DUS4L: variants seen among roughly 807,000 people sequenced by gnomAD.
DUS4L encodes tRNA-dihydrouridine(20a/20b) synthase [NAD(P)+]-like.
Under a neutral mutation model 33.8 loss-of-function variants are expected in DUS4L, and 31 were observed. The ratio of observed to expected loss-of-function variants is 0.92; its 90% CI spans 0.69 to 1.24. The LOEUF (loss-of-function observed/expected upper bound fraction) is 1.24. Ranked by LOEUF, DUS4L falls within the 50% of genes most tolerant of loss-of-function variation. The pLI is 0.00. For synonymous variants in DUS4L, 103 were observed against 120.3 expected (o/e 0.86, Z 0.94); for missense variants, 368 against 388.6 (o/e 0.95, Z 0.45).
chr7:107,573,890 T>C, intron 5 of DUS4L, 69 bp downstream of exon 5: 1 of 1,411,088 alleles, frequency 7.1e-7, no homozygotes. Flanking sequence ...CATGGTAAAA[T>C]ATCTTTCTAG....
intron 4 of DUS4L, among the ~76,000 whole-genome samples, chr7:107,571,675 A>G (rs1194484600): frequency 1.3e-5 from 2 of 152,246 alleles, no homozygotes; most frequent in African/African-American, 2.4e-5. Flanking sequence ...TTACAGGTGT[A>G]CTAAATCAGA....
At position 107,564,050 on chromosome 7, in the gene DUS4L, A is replaced by G; in HGVS notation, c.-270A>G. The G allele has an allele frequency of 2.0e-6, 3 of 1,495,076 alleles. No individual in the cohort carries two copies. Among genetic ancestry groups the G allele is most frequent in the Non-Finnish European group, 2.7e-6 (3 of 1,116,404 alleles). 92.6% of individuals were successfully genotyped at this position (1,495,076 alleles called of 1,614,324 possible). A position where few individuals can be genotyped will look rare whatever the true frequency, so the allele number is the denominator to read the frequency against. ...CGCGCCTGGGCTAAGCCTGGCTAGGAGCCGCGCAGGTACTCGAGCAGTGGG... is the reference window on the plus strand; with the variant it reads ...CGCGCCTGGGCTAAGCCTGGCTAGGGGCCGCGCAGGTACTCGAGCAGTGGG... On this transcript the variant is annotated 5_prime_UTR_variant, in exon 1 of 8. Coordinates refer to ENST00000265720, the MANE Select transcript of DUS4L (RefSeq NM_181581.3).
In DUS4L at chr7:107,564,692, A is replaced by G. The variant is rs1010682705; in HGVS notation, c.-22+16A>G. 1.2e-4 allele frequency: 19 copies of G among 152,314 alleles called. No individual in the cohort carries two copies. The highest frequency in any genetic ancestry group is 1.1e-3 in the Admixed American group (17 of 15,296). 9.4% of individuals were successfully genotyped at this position (152,314 alleles called of 1,614,324 possible). A position where few individuals can be genotyped will look rare whatever the true frequency, so the allele number is the denominator to read the frequency against. ...AGAGCATCAGGTTGGTTCCCATTGT[A>G]TCTTCTTTACTAATACGTTCGCGTT... On this transcript the variant is annotated intron_variant, in intron 2 of 7. Coordinates refer to ENST00000265720, the MANE Select transcript of DUS4L (RefSeq NM_181581.3).
rs548755633 is a variant in DUS4L at position 107,577,092 on chromosome 7, T to TA, written c.707-215dup. On this transcript the variant is annotated intron_variant, in intron 7 of 7. Coordinates refer to ENST00000265720, the MANE Select transcript of DUS4L (RefSeq NM_181581.3). ...ACTAATGGTTTAATGTAGAAATCTTTAAAAAATAAAGATTTCTGTACGTAC... is the reference window on the plus strand; with the variant it reads ...ACTAATGGTTTAATGTAGAAATCTTTAAAAAAATAAAGATTTCTGTACGTAC... 4.3e-4 allele frequency: 237 copies of TA among 549,146 alleles called. 2 individuals are homozygous for TA. Among genetic ancestry groups the TA allele is most frequent in the African/African-American group, 4.1e-3 (220 of 53,158 alleles). 34.0% of individuals were successfully genotyped at this position (549,146 alleles called of 1,614,324 possible).
chr7:107,577,181 A>G, intron 7 of DUS4L, 132 bp from the exon 8 acceptor site: 4 of 1,263,934 alleles, frequency 3.2e-6, no homozygotes, highest in Non-Finnish European at 4.4e-6. Flanking sequence ...GATTAAACAT[A>G]TTAATGCAAT....
chr7:107,574,198 T>C (rs1022160597), intron 5 of DUS4L, among the ~76,000 whole-genome samples: 2 of 152,192 alleles, frequency 1.3e-5, no homozygotes, highest in African/African-American at 4.8e-5. Flanking sequence ...ATTGTTTGAC[T>C]TAGGAAATCA....
At chr7:107,577,153 T>C (rs969977307) in intron 7 of DUS4L, 160 bp from the exon 8 acceptor site, 32 of 1,027,922 alleles carry the variant, frequency 3.1e-5, no homozygotes, top group Non-Finnish European at 4.2e-5. Flanking sequence ...GGTACCAAAA[T>C]TAATTCTTTT....
chr7:107,576,481 T>G lies in DUS4L; in HGVS notation c.595T>G (p.Tyr199Asp). Residue 199 changes from tyrosine to aspartate, a missense_variant, in exon 7 of 8, where the codon TAT (tyrosine) becomes GAT (aspartate). Transcript: ENST00000265720. Reference protein sequence around the residue: ...TAEERHQPVHYDSIKIIKENM... With the variant: ...TAEERHQPVHDDSIKIIKENM... The stretch of plus-strand genomic sequence containing the variant: ...TGAAGAAAGACATCAGCCAGTGCAC[T>G]ATGATTCCATTAAAATAATTAAGGA... 1 of 1,611,690 alleles carries G rather than the reference T, an allele frequency of 6.2e-7. No individual in the cohort carries two copies. Among genetic ancestry groups the G allele is most frequent in the East Asian group, 2.2e-5 (1 of 44,844 alleles).
At chr7:107,574,772 A>C in intron 5 of DUS4L, 1 of 269,290 alleles carries the variant, frequency 3.7e-6, no homozygotes, top group Non-Finnish European at 7.1e-6. Flanking sequence ...ACTCATTAGG[A>C]GGGTTAAATT....
chr7:107,568,482 T>C lies in DUS4L; in HGVS notation c.116+1296T>C, dbSNP rs149969344. On this transcript the variant is annotated intron_variant, in intron 3 of 7. Transcript: ENST00000265720. ...ATCTTTTTGTGTGTTTATTGGCCAT[T>C]TGTATGTTGTCTTTGTAGAAGTATC... Among the ~76,000 whole-genome samples the C allele has an allele frequency of 4.4e-4, 67 of 152,360 alleles. No homozygotes were observed. The East Asian group carries it at 5.0e-3, about 11-fold the overall frequency.
chr7:107,576,364 A>G lies in DUS4L; in HGVS notation c.480-2A>G, dbSNP rs374456993. The G allele has an allele frequency of 6.2e-6, 10 of 1,601,550 alleles. No individual in the cohort carries two copies. The highest frequency in any genetic ancestry group is 8.5e-6 in the Non-Finnish European group (10 of 1,176,982). On this transcript the variant is annotated splice_acceptor_variant, in intron 6 of 7. Transcript: ENST00000265720. LOFTEE classifies it high-confidence loss of function. ...CAGATAAATGTAATTTTGAAATTGTAGGATCCATGATGACCTTAAAAGAAC... is the reference window on the plus strand; with the variant it reads ...CAGATAAATGTAATTTTGAAATTGTGGGATCCATGATGACCTTAAAAGAAC...
chr7:107,564,582 C>T lies in DUS4L; in HGVS notation c.-110-6C>T, dbSNP rs1202134518. On this transcript the variant is annotated splice_polypyrimidine_tract_variant and splice_region_variant and intron_variant, in intron 1 of 7. Coordinates refer to ENST00000265720, the MANE Select transcript of DUS4L (RefSeq NM_181581.3). The stretch of plus-strand genomic sequence containing the variant: ...TGACCTTTTGCCTTTTCTACTTCTT[C>T]CTCAGTTTCAGTCACGTGCCAGACT... 6.5e-6 allele frequency: 1 copy of T among 152,696 alleles called. No homozygotes were observed. Among genetic ancestry groups the T allele is most frequent in the African/African-American group, 2.4e-5 (1 of 41,450 alleles). The allele number at this position is 152,696 out of a possible 1,614,324, so 9.5% of individuals were successfully genotyped here.
At chr7:107,564,906 A>G (rs1259603125) in intron 2 of DUS4L, among the ~76,000 whole-genome samples, 2 of 152,178 alleles carry the variant, frequency 1.3e-5, no homozygotes, top group East Asian at 1.9e-4. Flanking sequence ...GGTTTTCTAC[A>G]TTCTGTTTCA....
At chr7:107,576,031 C>G (rs986233142) in intron 6 of DUS4L, among the ~76,000 whole-genome samples, 2 of 152,188 alleles carry the variant, frequency 1.3e-5, no homozygotes, top group Non-Finnish European at 2.9e-5. Context: ...TATTCTCCCA[C>G]TGGGGGATGG....
chr7:107,571,199 AAT>A lies in DUS4L; in HGVS notation c.172_173del (p.Met58AspfsTer5). ...ATAGTTGTGATCTGTGTTACACACC[AAT>A]GATTGTTGCCGCTGATTTTGTCAAA... ...KYSCDLCYTPMIVAADFVKSI... is the reference protein window; with the variant it reads ...KYSCDLCYTPXIVAADFVKSI... On this transcript the variant is annotated frameshift_variant, in exon 4 of 8. Transcript: ENST00000265720. LOFTEE classifies it high-confidence loss of function. 1 of 1,611,874 alleles carries A rather than the reference AAT, an allele frequency of 6.2e-7. No individual in the cohort carries two copies. The highest frequency in any genetic ancestry group is 1.1e-5 in the South Asian group (1 of 90,248).
Position 107,564,188 on chromosome 7 carries a change from T to C in DUS4L, c.-132T>C. 1.6e-6 allele frequency: 1 copy of C among 609,888 alleles called. No individual in the cohort carries two copies. The allele number at this position is 609,888 out of a possible 1,614,324, so 37.8% of individuals were successfully genotyped here. A position where few individuals can be genotyped will look rare whatever the true frequency, so the allele number is the denominator to read the frequency against. ...CAGGGCCGCGCCCCCTGGGCTGGCGTCGTGCCCTAGCCAAGGAGAAGGTGG... is the reference window on the plus strand; with the variant it reads ...CAGGGCCGCGCCCCCTGGGCTGGCGCCGTGCCCTAGCCAAGGAGAAGGTGG... On this transcript the variant is annotated 5_prime_UTR_variant, in exon 1 of 8. Coordinates refer to ENST00000265720, the MANE Select transcript of DUS4L (RefSeq NM_181581.3).
chr7:107,572,536 A>G (rs986801106), intron 4 of DUS4L, among the ~76,000 whole-genome samples: 5 of 152,240 alleles, frequency 3.3e-5, no homozygotes, highest in African/African-American at 9.7e-5. Context: ...GGAAGCTTTA[A>G]TACATTCGGC....
chr7:107,564,845 A>G (rs767455150), intron 2 of DUS4L, among the ~76,000 whole-genome samples, 169 bp downstream of exon 2: 1 of 152,236 alleles, frequency 6.6e-6, no homozygotes, highest in African/African-American at 2.4e-5. Flanking sequence ...TTCATTTTGT[A>G]CAGTAGGTAT....
chr7:107,571,249 A>G lies in DUS4L; in HGVS notation c.221A>G (p.Glu74Gly). ...AAATCTATAAAAGCCAGAGACAGCG[A>G]ATTTACCACAAATCAAGGTATGTGA... is the stretch of plus-strand genomic sequence containing the variant. ...FVKSIKARDS[E>G]FTTNQGDCPL... Residue 74 changes from glutamate to glycine, a missense_variant, in exon 4 of 8, where the codon GAA becomes GGA. Physicochemically the swap from Glu to Gly is moderately conservative, Grantham distance 98 (BLOSUM62 -2). Transcript: ENST00000265720. The G allele has an allele frequency of 6.2e-7, 1 of 1,609,762 alleles. No individual in the cohort carries two copies. The highest frequency in any genetic ancestry group is 8.5e-7 in the Non-Finnish European group (1 of 1,179,002).
Sources: allele counts gnomAD v4.1 joint callset (sites outside exome capture counted in the v4.1 genomes callset), GRCh38; gene constraint gnomAD v4.1.1; transcripts MANE v1.5; gene names NCBI Gene and HGNC (gene_info 2026-07-23, HGNC 2026-07-21).